The following GAK variants were observed in gnomAD, a reference collection of about 807,000 sequenced individuals.
GAK encodes the protein cyclin G associated kinase.
A neutral mutation model predicts 143.9 loss-of-function variants in GAK; 79 were observed. The ratio of observed to expected loss-of-function variants is 0.55; its 90% CI spans 0.46 to 0.66. The LOEUF is 0.66. GAK is among the 30% of genes least tolerant of loss of function. The probability of loss-of-function intolerance (pLI) is 0.00; values close to 1 mark genes in which losing one functional copy is unlikely to be tolerated. For missense variants in GAK, 1,693 were observed against 1,779.7 expected (o/e 0.95, Z 0.88); for synonymous variants, 881 against 765.5 (o/e 1.15, Z -2.49).
At chr4:903,358 TG>T in intron 5 of GAK, among the ~76,000 whole-genome samples, 1 of 152,062 alleles carries the variant, frequency 6.6e-6, no homozygotes. Context: ...GGAGGTGCAG[TG>T]GGGGGACAGT....
chr4:899,207 G>A (rs1268506789), intron 5 of GAK, among the ~76,000 whole-genome samples: 1 of 152,220 alleles, frequency 6.6e-6, no homozygotes, highest in Non-Finnish European at 1.5e-5. Context: ...CCAACATTTA[G>A]GCAAACCACA....
chr4:920,794 G>C (rs188927844), intron 1 of GAK, among the ~76,000 whole-genome samples: 1 of 151,996 alleles, frequency 6.6e-6, no homozygotes, highest in South Asian at 2.1e-4. Flanking sequence ...CCCCTGCCTC[G>C]GCCTCCCAAA....
At chr4:883,239 G>A (rs912021028) in intron 13 of GAK, 76 bp downstream of exon 13, 1 of 1,543,012 alleles carries the variant, frequency 6.5e-7, no homozygotes, top group Non-Finnish European at 8.8e-7. Context: ...CCTGGCCAAA[G>A]CCCTCAGCTA....
rs112782364 is a variant in GAK, at chr4:860,256, G to T, written c.3167-534C>A. ...CCAGCTACCCAGGGGGGCTGCGGTG[G>T]GAGGATCGCTCCAGCCCAGGGGTTG... On this transcript the variant is annotated intron_variant, in intron 23 of 27. Coordinates refer to ENST00000314167, the MANE Select transcript of GAK (RefSeq NM_005255.4). Among the ~76,000 whole-genome samples, 415 of 146,286 alleles carry T rather than the reference G, an allele frequency of 2.8e-3. 3 individuals carry two copies. The highest frequency in any genetic ancestry group is 0.01 in the African/African-American group (403 of 40,298).
At chr4:868,801 C>T (rs967233388) in intron 19 of GAK, 116 bp from the exon 20 acceptor site, 79 of 1,071,764 alleles carry the variant, frequency 7.4e-5, no homozygotes, top group African/African-American at 1.6e-5. Context: ...CAGGCCAGGC[C>T]ATCGGTAAAG....
Position 883,434 on chromosome 4 carries a change from A to G in GAK, c.1285T>C (p.Ser429Pro). 6.2e-7 allele frequency: 1 copy of G among 1,613,540 alleles called. No individual in the cohort carries two copies. The highest frequency in any genetic ancestry group is 8.5e-7 in the Non-Finnish European group (1 of 1,179,948). Reference protein sequence around the residue: ...VMSFPAEGVESALKNNIEDVR... With the variant: ...VMSFPAEGVEPALKNNIEDVR... ...TCTTCGATGTTGTTTTTGAGCGCTG[A>G]CTCCACACCTTCTGCTGGGAATGAC... Residue 429 changes from serine to proline, a missense_variant, in exon 13 of 28, where the codon TCA becomes CCA. Physicochemically the swap from Ser to Pro is moderately conservative, Grantham distance 74. Coordinates refer to ENST00000314167, the MANE Select transcript of GAK (RefSeq NM_005255.4).
chr4:877,331 C>T (rs1714146460), intron 16 of GAK, 124 bp from the exon 17 acceptor site: 2 of 715,878 alleles, frequency 2.8e-6, no homozygotes, highest in South Asian at 3.5e-5. Flanking sequence ...TAAAGAATAA[C>T]CCCCATGAAG....
At chr4:895,057 T>A (rs1718513358) in intron 7 of GAK, among the ~76,000 whole-genome samples, 1 of 152,330 alleles carries the variant, frequency 6.6e-6, no homozygotes, top group South Asian at 2.1e-4. Context: ...ACTCATGCAC[T>A]GAAGATCTAT....
chr4:867,328 A>T lies in GAK; in HGVS notation c.2500T>A (p.Ser834Thr), dbSNP rs755370969. Residue 834 changes from serine to threonine, a missense_variant, in exon 21 of 28, where the codon TCC becomes ACC. By Grantham distance (58) the Ser-to-Thr change is moderately conservative. Around this residue, in one of 2 missense-constraint regions of GAK, gnomAD observed 822 missense variants for 788.7 expected, o/e 1.04. Coordinates refer to ENST00000314167, the MANE Select transcript of GAK (RefSeq NM_005255.4). ...DESEVSDEGG[S>T]PISSEGQEPR... ...TCCTGGCCCTCGCTGGAGATCGGGG[A>T]TCCCCCTTCATCTGACACCTCACTC... The T allele has an allele frequency of 6.2e-7, 1 of 1,609,374 alleles. No individual in the cohort carries two copies. Among genetic ancestry groups the T allele is most frequent in the South Asian group, 1.1e-5 (1 of 90,420 alleles).
intron 9 of GAK, among the ~76,000 whole-genome samples, 173 bp downstream of exon 9, chr4:893,204 T>C (rs762667918): frequency 2.6e-5 from 4 of 151,804 alleles, no homozygotes; most frequent in Non-Finnish European, 5.9e-5. Context: ...GGGGCTCACG[T>C]GTGCCTCCCT....
intron 15 of GAK, among the ~76,000 whole-genome samples, chr4:881,012 G>A (rs1048422834): frequency 3.0e-4 from 46 of 152,318 alleles, no homozygotes; most frequent in Non-Finnish European, 6.2e-4. Flanking sequence ...AGAAGACAAA[G>A]CTGGATGGGG....
intron 1 of GAK, among the ~76,000 whole-genome samples, chr4:926,728 C>T (rs550169936): frequency 1.3e-5 from 2 of 152,268 alleles, no homozygotes; most frequent in East Asian, 3.9e-4. Flanking sequence ...GGAGAGCCGC[C>T]AGGGGGCAGC....
At chr4:866,690 G>A (rs1173128381) in intron 21 of GAK, among the ~76,000 whole-genome samples, 156 bp from the exon 22 acceptor site, 2 of 152,172 alleles carry the variant, frequency 1.3e-5, no homozygotes, top group Non-Finnish European at 2.9e-5. Flanking sequence ...TCAGCCCAGG[G>A]GCTCCCCGTG....
chr4:876,470 C>T (rs1713903228), intron 18 of GAK, 60 bp downstream of exon 18: 2 of 1,453,414 alleles, frequency 1.4e-6, no homozygotes, highest in African/African-American at 2.8e-5. Flanking sequence ...GGCCCACATG[C>T]AGGTGCTGCG....
At chr4:918,852 CATG>C (rs1167066672) in intron 1 of GAK, among the ~76,000 whole-genome samples, 1 of 135,556 alleles carries the variant, frequency 7.4e-6, no homozygotes, top group Non-Finnish European at 1.6e-5. Context: ...CTCAGCACCC[CATG>C]ACCTTAGAAA....
At chr4:884,500 C>T (rs1045422007) in intron 11 of GAK, 7 of 184,406 alleles carry the variant, frequency 3.8e-5, no homozygotes, top group Admixed American at 5.9e-5. Context: ...CCACGCGCTG[C>T]CCAGGCCTGG....
chr4:929,345 G>A (rs187171908), intron 1 of GAK, among the ~76,000 whole-genome samples: 9 of 152,284 alleles, frequency 5.9e-5, no homozygotes, highest in South Asian at 2.1e-4. Context: ...ACGGCTGTGC[G>A]GCATCGTTTT....
At chr4:893,782 G>T in intron 8 of GAK, 92 bp downstream of exon 8, 1 of 1,403,748 alleles carries the variant, frequency 7.1e-7, no homozygotes, top group South Asian at 1.5e-5. Context: ...GGGGCCAGGT[G>T]AGCAGTGCCC....
chr4:852,109 A>C, intron 24 of GAK, 135 bp from the exon 25 acceptor site: 1 of 790,550 alleles, frequency 1.3e-6, no homozygotes, highest in Non-Finnish European at 2.1e-6. Context: ...GAGGCCGTCC[A>C]GAGGTGCCGG....
Sources: allele counts gnomAD v4.1 joint callset (sites outside exome capture counted in the v4.1 genomes callset), GRCh38; gene constraint gnomAD v4.1.1; regional missense constraint gnomAD v4.1.1; transcripts MANE v1.5; gene names NCBI Gene and HGNC (gene_info 2026-07-23, HGNC 2026-07-21).